Variants in METTL15 observed in about 807,000 individuals in gnomAD.
METTL15 encodes the protein 12S rRNA N(4)-cytidine methyltransferase METTL15.
A neutral mutation model predicts 38.3 loss-of-function variants in METTL15; 34 were observed. The ratio of observed to expected loss-of-function variants is 0.89; its 90% CI spans 0.68 to 1.18. METTL15 has a LOEUF of 1.18. Ranked by LOEUF, METTL15 falls within the 50% of genes most tolerant of loss-of-function variation. METTL15 has a pLI of 0.00. For synonymous variants in METTL15, 162 were observed against 170.9 expected, an observed-to-expected ratio of 0.95 and a Z score of 0.41; for missense variants, 438 against 498.4, an observed-to-expected ratio of 0.88 and a Z score of 1.15.
chr11:28,138,289 A>T lies in METTL15; in HGVS notation c.270+24685A>T, dbSNP rs577944364. Among the ~76,000 whole-genome samples the T allele has an allele frequency of 2.0e-5, 3 of 152,312 alleles. No homozygotes were observed. The South Asian group carries it at 6.2e-4, about 32-fold the overall frequency. ...AAAGTCCTTTTTCCAGAAAAACAAGATCCATGAAGTGTAAAACATAAAGGC... is the reference window on the plus strand; with the variant it reads ...AAAGTCCTTTTTCCAGAAAAACAAGTTCCATGAAGTGTAAAACATAAAGGC... On this transcript the variant is annotated intron_variant, in intron 3 of 6. Transcript: ENST00000407364.
At chr11:28,311,941 G>A (rs1239214696) in intron 6 of METTL15, among the ~76,000 whole-genome samples, 1 of 152,192 alleles carries the variant, frequency 6.6e-6, no homozygotes, top group Non-Finnish European at 1.5e-5. Flanking sequence ...TCAGCAGGTA[G>A]AGATATCAGT....
intron 3 of METTL15, among the ~76,000 whole-genome samples, chr11:28,210,685 C>T (rs1469976432): frequency 6.6e-6 from 1 of 151,922 alleles, no homozygotes; most frequent in African/African-American, 2.4e-5. Flanking sequence ...ATGAGCCACA[C>T]TAATTGTAAG....
chr11:28,286,378 CCAA>C (rs1856263083), intron 4 of METTL15, among the ~76,000 whole-genome samples: 1 of 152,226 alleles, frequency 6.6e-6, no homozygotes, highest in East Asian at 1.9e-4. Context: ...TGTAGCTTAG[CCAA>C]GTTGACATAT....
chr11:28,234,343 T>A (rs1459563766), intron 4 of METTL15, among the ~76,000 whole-genome samples: 1 of 151,536 alleles, frequency 6.6e-6, no homozygotes, highest in African/African-American at 2.4e-5. Flanking sequence ...CTGGCTCAAA[T>A]GGTATTTCTA....
At chr11:28,117,235 A>G (rs5017285) in intron 3 of METTL15, among the ~76,000 whole-genome samples, 52,553 of 117,406 alleles carry the variant, frequency 0.45, 11,483 homozygotes, top group African/African-American at 0.53. Flanking sequence ...CTATATATGT[A>G]TGTGTGTGTG....
chr11:28,373,050 T>C (rs1850263284), intron 5 of METTL15, among the ~76,000 whole-genome samples: 1 of 152,106 alleles, frequency 6.6e-6, no homozygotes, highest in African/African-American at 2.4e-5. Context: ...TCCAAGTCTT[T>C]GCTATTGTGA....
At chr11:28,465,140 A>G (rs992390932) in intron 6 of METTL15, among the ~76,000 whole-genome samples, 4 of 152,142 alleles carry the variant, frequency 2.6e-5, no homozygotes, top group Non-Finnish European at 5.9e-5. Flanking sequence ...GAAGTCGCCT[A>G]TTTGCTCTTT....
chr11:28,416,071 A>G (rs1850769693), intron 5 of METTL15, among the ~76,000 whole-genome samples: 1 of 152,224 alleles, frequency 6.6e-6, no homozygotes, highest in South Asian at 2.1e-4. Flanking sequence ...ATTACCTGGA[A>G]AGTCCAGATT....
At chr11:28,514,327 T>C (rs1851701606) in intron 6 of METTL15, among the ~76,000 whole-genome samples, 1 of 152,198 alleles carries the variant, frequency 6.6e-6, no homozygotes, top group South Asian at 2.1e-4. Flanking sequence ...CTCTCTTAGC[T>C]TGAATGATAT....
intron 6 of METTL15, among the ~76,000 whole-genome samples, chr11:28,481,325 G>A (rs904324842): frequency 6.6e-5 from 10 of 152,144 alleles, no homozygotes; most frequent in African/African-American, 9.7e-5. Context: ...ACTACAGGAC[G>A]ATAAAAGTGT....
chr11:28,529,771 C>A (rs1489190842), downstream of METTL15, among the ~76,000 whole-genome samples: 1 of 152,096 alleles, frequency 6.6e-6, no homozygotes, highest in Non-Finnish European at 1.5e-5. Flanking sequence ...ATACTTGGAA[C>A]AATATGAGTG....
intron 6 of METTL15, among the ~76,000 whole-genome samples, chr11:28,446,223 A>G (rs1216942112): frequency 6.6e-6 from 1 of 152,086 alleles, no homozygotes; most frequent in Non-Finnish European, 1.5e-5. Flanking sequence ...CAATGGACTG[A>G]CAGGGACCTT....
intron 4 of METTL15, among the ~76,000 whole-genome samples, chr11:28,221,592 G>T (rs1853225305): frequency 6.6e-6 from 1 of 152,060 alleles, no homozygotes; most frequent in Non-Finnish European, 1.5e-5. Flanking sequence ...TCCGTTGGTG[G>T]TGAGGAGCTG....
At chr11:28,208,781 T>C (rs1392212691) in intron 3 of METTL15, among the ~76,000 whole-genome samples, 1 of 152,026 alleles carries the variant, frequency 6.6e-6, no homozygotes, top group Non-Finnish European at 1.5e-5. Flanking sequence ...ACTGTGGTCT[T>C]ATGTTAGTGA....
rs1242471110 is a variant in METTL15 at position 28,270,678 on chromosome 11, T to C, written c.408-19528T>C. 2.0e-5 allele frequency among the ~76,000 whole-genome samples: 3 copies of C among 152,170 alleles called. No homozygotes were observed. The East Asian group carries it at 5.8e-4, about 29-fold the overall frequency. ...TCAACGATTTTTGTTTTTATAAGGATTCAATGAAATAAGCAGAAAGCCCTT... is the reference window on the plus strand; with the variant it reads ...TCAACGATTTTTGTTTTTATAAGGACTCAATGAAATAAGCAGAAAGCCCTT... On this transcript the variant is annotated intron_variant, in intron 4 of 6. Coordinates refer to ENST00000407364, the MANE Select transcript of METTL15 (RefSeq NM_001113528.2).
At chr11:28,303,749 AAT>A (rs1565238538) in intron 6 of METTL15, among the ~76,000 whole-genome samples, 1 of 152,164 alleles carries the variant, frequency 6.6e-6, no homozygotes, top group South Asian at 2.1e-4. Context: ...AAGGGGAAAA[AAT>A]ATATAAGTTC....
At chr11:28,329,783 T>C (rs1385444085) in intron 6 of METTL15, among the ~76,000 whole-genome samples, 1 of 152,160 alleles carries the variant, frequency 6.6e-6, no homozygotes, top group African/African-American at 2.4e-5. Context: ...GTCTCACTTT[T>C]TATTTATTTT....
At chr11:28,300,273 A>G (rs1590288787) in intron 6 of METTL15, among the ~76,000 whole-genome samples, 1 of 152,142 alleles carries the variant, frequency 6.6e-6, no homozygotes, top group Non-Finnish European at 1.5e-5. Flanking sequence ...GTTCAAAACT[A>G]TCAAGCACTC....
At chr11:28,422,074 G>A (rs1396026983) in intron 5 of METTL15, among the ~76,000 whole-genome samples, 1 of 151,806 alleles carries the variant, frequency 6.6e-6, no homozygotes, top group Admixed American at 6.6e-5. Flanking sequence ...AATCAAGAAA[G>A]TAATTCCATT....
Sources: allele counts gnomAD v4.1 joint callset (sites outside exome capture counted in the v4.1 genomes callset), GRCh38; gene constraint gnomAD v4.1.1; transcripts MANE v1.5; gene names NCBI Gene and HGNC (gene_info 2026-07-23, HGNC 2026-07-21).